NCOA7: variants seen among roughly 807,000 people sequenced by gnomAD.
NCOA7 encodes the protein nuclear receptor coactivator 7.
A neutral mutation model predicts 104.3 loss-of-function variants in NCOA7; 45 were observed. The observed-to-expected ratio is 0.43, with a 90% CI of 0.34 to 0.55. The LOEUF (loss-of-function observed/expected upper bound fraction) is 0.55, where lower values mean the gene tolerates loss of function less well. Among genes scored for constraint, NCOA7 ranks in the 20% least tolerant of loss-of-function variants. The pLI is 0.02. For missense variants in NCOA7, 1,041 were observed against 1,119.7 expected, an observed-to-expected ratio of 0.93 and a Z score of 1.00; for synonymous variants, 398 against 402.3, an observed-to-expected ratio of 0.99 and a Z score of 0.13.
In NCOA7 at chr6:125,813,408, A is replaced by G. The variant is rs902496306; in HGVS notation, c.-64-1883A>G. Among the ~76,000 whole-genome samples the G allele has an allele frequency of 9.2e-5, 14 of 151,860 alleles. 1 individual carries two copies. Among genetic ancestry groups the G allele is most frequent in the Admixed American group, 1.3e-4 (2 of 15,286 alleles). On this transcript the variant is annotated intron_variant, in intron 1 of 15. Coordinates refer to ENST00000392477, the MANE Select transcript of NCOA7 (RefSeq NM_181782.5). ...AATTTTGTCTTCTTGCTTTTGTTCA[A>G]TTGAAACCTGCTTGCTCGTACCCTT...
chr6:125,836,325 T>C (rs1431354083), intron 2 of NCOA7, among the ~76,000 whole-genome samples: 1 of 152,202 alleles, frequency 6.6e-6, no homozygotes, highest in African/African-American at 2.4e-5. Context: ...TTGTAATGTA[T>C]ACATGCGTTA....
chr6:125,844,289 G>GTAT (rs1293575412), intron 2 of NCOA7, among the ~76,000 whole-genome samples: 2 of 152,168 alleles, frequency 1.3e-5, no homozygotes, highest in East Asian at 3.8e-4. Context: ...TTTCCTAACT[G>GTAT]TATTGGTTCT....
At chr6:125,888,883 T>G in intron 8 of NCOA7, 56 bp from the exon 9 acceptor site, 2 of 1,365,988 alleles carry the variant, frequency 1.5e-6, no homozygotes, top group Non-Finnish European at 2.0e-6. Flanking sequence ...TCCTCCATTT[T>G]GTTTTTGGTT....
chr6:125,876,901 A>G (rs1173809479), intron 4 of NCOA7, among the ~76,000 whole-genome samples: 1 of 152,142 alleles, frequency 6.6e-6, no homozygotes, highest in Non-Finnish European at 1.5e-5. Context: ...CCCTAATTCT[A>G]CATGTATGTC....
At chr6:125,899,985 A>G (rs1418122943) in intron 10 of NCOA7, 1 of 533,130 alleles carries the variant, frequency 1.9e-6, no homozygotes, top group Non-Finnish European at 3.9e-6. Context: ...ACTGCAGACT[A>G]ATCCCTGCCA....
At chr6:125,786,828 G>A (rs1774491223), upstream of NCOA7, among the ~76,000 whole-genome samples, 1 of 151,950 alleles carries the variant, frequency 6.6e-6, no homozygotes, top group African/African-American at 2.4e-5. Context: ...CACCCTCCTC[G>A]GCCTCCCAAA....
chr6:125,788,692 C>T (rs1355237559), upstream of NCOA7, among the ~76,000 whole-genome samples: 1 of 104,936 alleles, frequency 9.5e-6, no homozygotes, highest in African/African-American at 3.2e-5. Context: ...CCACCACACC[C>T]AGCTAATTTT....
chr6:125,874,815 T>C, intron 3 of NCOA7, 74 bp from the exon 4 acceptor site: 1 of 1,134,358 alleles, frequency 8.8e-7, no homozygotes, highest in East Asian at 2.4e-5. Context: ...AGTGGGTTTC[T>C]ATATATGGTA....
At chr6:125,915,753 A>AT (rs912877834) in intron 11 of NCOA7, among the ~76,000 whole-genome samples, 3 of 151,184 alleles carry the variant, frequency 2.0e-5, no homozygotes, top group African/African-American at 4.9e-5. Context: ...AGCTCAGCAA[A>AT]TTTTTTTTTG....
Position 125,930,489 on chromosome 6 carries a change from T to A in NCOA7, c.*1718T>A, listed in dbSNP as rs955171123. On this transcript the variant is annotated 3_prime_UTR_variant, in exon 16 of 16. Coordinates refer to ENST00000392477, the MANE Select transcript of NCOA7 (RefSeq NM_181782.5). The stretch of plus-strand genomic sequence containing the variant: ...TAATAACCAAAGCTGAAAAATGGTC[T>A]GTCATAAATTATTTCCCCGGTAATT... The A allele has an allele frequency of 2.0e-5, 3 of 152,618 alleles. No homozygotes were observed. The highest frequency in any genetic ancestry group is 7.2e-5 in the African/African-American group (3 of 41,440). The allele number at this position is 152,618 out of a possible 1,614,324, so 9.5% of individuals were successfully genotyped here.
intron 13 of NCOA7, among the ~76,000 whole-genome samples, chr6:125,924,699 C>A (rs73588261): frequency 0.16 from 23,770 of 152,004 alleles, 2,043 homozygotes; most frequent in African/African-American, 0.24. Context: ...TCAAGAAAAT[C>A]TAATTAATCT....
chr6:125,888,048 T>C (rs1287575317), intron 8 of NCOA7, among the ~76,000 whole-genome samples: 1 of 152,222 alleles, frequency 6.6e-6, no homozygotes, highest in Non-Finnish European at 1.5e-5. Flanking sequence ...TTCTTGATCA[T>C]TTATTTTACA....
upstream of NCOA7, among the ~76,000 whole-genome samples, chr6:125,787,314 T>C (rs1774518670): frequency 1.3e-5 from 2 of 152,200 alleles, no homozygotes; most frequent in South Asian, 4.1e-4. Context: ...ACAAGAATTG[T>C]CTTTAGATAG....
chr6:125,810,844 T>G (rs776178802), intron 1 of NCOA7, among the ~76,000 whole-genome samples: 4 of 152,202 alleles, frequency 2.6e-5, no homozygotes, highest in Middle Eastern at 3.2e-3. Context: ...TATTTTTCAT[T>G]TACCTAATAG....
intron 1 of NCOA7, among the ~76,000 whole-genome samples, chr6:125,795,592 C>T (rs1381523154): frequency 2.0e-5 from 3 of 152,186 alleles, no homozygotes; most frequent in East Asian, 3.8e-4. Context: ...CTGTTTGGCT[C>T]CTTAGATGCC....
At chr6:125,836,807 G>A (rs950248685) in intron 2 of NCOA7, among the ~76,000 whole-genome samples, 2 of 152,124 alleles carry the variant, frequency 1.3e-5, no homozygotes, top group South Asian at 2.1e-4. Context: ...AAATAAAAAA[G>A]AACACGTAGT....
rs572553322 is a variant in NCOA7, at chr6:125,913,529, A to G, written c.2097-1804A>G. ...CACACCAAGTTGAAACATAACCATC[A>G]TACCCATGTACAATCATAGTATCTA... On this transcript the variant is annotated intron_variant, in intron 10 of 15. Coordinates refer to ENST00000392477, the MANE Select transcript of NCOA7 (RefSeq NM_181782.5). The G allele has an allele frequency of 5.9e-6, 3 of 509,650 alleles. No individual in the cohort carries two copies. In the East Asian group the frequency reaches 4.5e-4, roughly 76 times the overall value. The allele number at this position is 509,650 out of a possible 1,614,324, so 31.6% of individuals were successfully genotyped here.
In NCOA7 at chr6:125,921,920, A is replaced by G. The variant is rs150638402; in HGVS notation, c.2371-762A>G. On this transcript the variant is annotated intron_variant, in intron 12 of 15. Coordinates refer to ENST00000392477, the MANE Select transcript of NCOA7 (RefSeq NM_181782.5). ...TGAACTGTAGTAAGGAATCCCTGGC[A>G]TTTCCCTCATCAGTCAGCTTAGAGA... Among the ~76,000 whole-genome samples, 341 of 152,288 alleles carry G rather than the reference A, an allele frequency of 2.2e-3. 2 individuals carry two copies. Among genetic ancestry groups the G allele is most frequent in the African/African-American group, 7.9e-3 (328 of 41,558 alleles).
intron 5 of NCOA7, among the ~76,000 whole-genome samples, chr6:125,879,438 T>C (rs997036672): frequency 3.9e-5 from 6 of 152,256 alleles, no homozygotes; most frequent in African/African-American, 1.4e-4. Context: ...GTCACTTTTA[T>C]GGCCCACTTC....
Sources: allele counts gnomAD v4.1 joint callset (sites outside exome capture counted in the v4.1 genomes callset), GRCh38; gene constraint gnomAD v4.1.1; transcripts MANE v1.5; gene names NCBI Gene and HGNC (gene_info 2026-07-23, HGNC 2026-07-21).